Variants in ALG14 observed in about 807,000 individuals in gnomAD.
ALG14 encodes UDP-N-acetylglucosamine transferase subunit ALG14.
In ALG14, 17 loss-of-function variants were observed where a neutral mutation model predicts 22.8. The observed-to-expected ratio is 0.75, with a 90% CI of 0.51 to 1.12. ALG14 has a LOEUF of 1.12. ALG14 is among the 50% of genes most tolerant of loss of function. The pLI, the probability that ALG14 is intolerant of heterozygous loss-of-function variation, is 0.00. For synonymous variants in ALG14, 89 were observed against 103.7 expected, an observed-to-expected ratio of 0.86 and a Z score of 0.86; for missense variants, 288 against 271.8, an observed-to-expected ratio of 1.06 and a Z score of -0.42.
At chr1:94,988,020 G>A (rs975760358) in intron 3 of ALG14, among the ~76,000 whole-genome samples, 1 of 152,170 alleles carries the variant, frequency 6.6e-6, no homozygotes, top group Non-Finnish European at 1.5e-5. Context: ...ACAGCTGCAG[G>A]GAAAGCTTTA....
intron 2 of ALG14, among the ~76,000 whole-genome samples, chr1:95,052,018 C>T (rs976786330): frequency 1.3e-5 from 2 of 152,306 alleles, no homozygotes; most frequent in Middle Eastern, 6.8e-3. Context: ...GTTTTATTTA[C>T]TACTGTATTC....
In ALG14 at chr1:95,000,522, C is replaced by A. The variant is rs529160574; in HGVS notation, c.421-17216G>T. On this transcript the variant is annotated intron_variant, in intron 3 of 3. Transcript: ENST00000370205. ...CTATACTCCAGCCTGCGTAACAGAG[C>A]AAGACCCTGTCCTAAAAAAAAAAAA... Among the ~76,000 whole-genome samples, 24 of 114,666 alleles carry A rather than the reference C, an allele frequency of 2.1e-4. 1 individual carries two copies. Among genetic ancestry groups the A allele is most frequent in the Admixed American group, 1.1e-3 (9 of 8,458 alleles). The allele number at this position is 114,666 out of a possible 152,430, so 75.2% of individuals were successfully genotyped here.
intron 1 of ALG14, among the ~76,000 whole-genome samples, chr1:95,066,401 T>G (rs1675370034): frequency 6.6e-6 from 1 of 152,178 alleles, no homozygotes; most frequent in Admixed American, 6.5e-5. Context: ...TTTTTGTATT[T>G]TTAGTAGAGA....
rs57458273 is a variant in ALG14 at position 95,052,857 on chromosome 1, GAA to G, written c.288+12007_288+12008del. Among the ~76,000 whole-genome samples, 348 of 119,468 alleles carry G rather than the reference GAA, an allele frequency of 2.9e-3. 2 individuals carry two copies. The highest frequency in any genetic ancestry group is 5.7e-3 in the African/African-American group (176 of 30,736). 78.4% of individuals were successfully genotyped at this position (119,468 alleles called of 152,430 possible). A position where few individuals can be genotyped will look rare whatever the true frequency, so the allele number is the denominator to read the frequency against. ...GGGCACCAGAGCAAGACTGCATCTCGAAAAAAAAAAAAAAAAAGAGTAATGTC... is the reference window on the plus strand; with the variant it reads ...GGGCACCAGAGCAAGACTGCATCTCGAAAAAAAAAAAAAAAGAGTAATGTC... On this transcript the variant is annotated intron_variant, in intron 2 of 3. Coordinates refer to ENST00000370205, the MANE Select transcript of ALG14 (RefSeq NM_144988.4).
intron 1 of ALG14, among the ~76,000 whole-genome samples, chr1:95,066,716 T>A (rs1412115137): frequency 6.6e-6 from 1 of 152,158 alleles, no homozygotes; most frequent in Non-Finnish European, 1.5e-5. Flanking sequence ...CATTTTAGTA[T>A]CTTTGGTTTA....
At chr1:94,996,530 A>G (rs1402045201) in intron 3 of ALG14, among the ~76,000 whole-genome samples, 2 of 152,168 alleles carry the variant, frequency 1.3e-5, no homozygotes, top group Non-Finnish European at 2.9e-5. Context: ...CATAGCAGAG[A>G]GAACTGCCAG....
At chr1:95,019,342 A>G (rs1469383268) in intron 3 of ALG14, among the ~76,000 whole-genome samples, 2 of 152,160 alleles carry the variant, frequency 1.3e-5, no homozygotes, top group Non-Finnish European at 1.5e-5. Context: ...CCTTCTTGCT[A>G]TTTTTAAGCA....
At chr1:95,033,723 C>T (rs1025178924) in intron 2 of ALG14, among the ~76,000 whole-genome samples, 1 of 152,064 alleles carries the variant, frequency 6.6e-6, no homozygotes, top group Admixed American at 6.6e-5. Flanking sequence ...CTTTTATACA[C>T]ATTCCATAGC....
rs1458479032 is a variant in ALG14, at chr1:94,980,436, C to T, written c.*2640G>A. ...GTGGGCAGGATGTGTGGTTTCCCTG[C>T]CTCTCATTTGAAGACTGATTCAATT... On this transcript the variant is annotated 3_prime_UTR_variant, in exon 4 of 4. Coordinates refer to ENST00000370205, the MANE Select transcript of ALG14 (RefSeq NM_144988.4). 1 of 152,162 alleles carries T rather than the reference C, an allele frequency of 6.6e-6. No individual in the cohort carries two copies. Among genetic ancestry groups the T allele is most frequent in the Non-Finnish European group, 1.5e-5 (1 of 68,038 alleles). The allele number at this position is 152,162 out of a possible 1,614,324, so 9.4% of individuals were successfully genotyped here. A position where few individuals can be genotyped will look rare whatever the true frequency, so the allele number is the denominator to read the frequency against.
intron 3 of ALG14, among the ~76,000 whole-genome samples, chr1:95,020,020 C>A (rs1048052673): frequency 6.6e-6 from 1 of 151,970 alleles, no homozygotes; most frequent in South Asian, 2.1e-4. Context: ...GAGTTCAAGA[C>A]CAGCCTGGCC....
intron 2 of ALG14, among the ~76,000 whole-genome samples, chr1:95,056,449 A>G (rs1674935723): frequency 6.6e-6 from 1 of 151,904 alleles, no homozygotes. Flanking sequence ...GTTCGAGACC[A>G]GCCTGGGCAA....
At position 94,979,912 on chromosome 1, in the gene ALG14, G is replaced by A. The variant is rs2797623; in HGVS notation, c.*3164C>T. On this transcript the variant is annotated 3_prime_UTR_variant, in exon 4 of 4. Coordinates refer to ENST00000370205, the MANE Select transcript of ALG14 (RefSeq NM_144988.4). ...CTGCTCATTGTGCGCCAGGGCTGAA[G>A]TCATGGGAAGAAACCCCGTGAGGCT... The A allele has an allele frequency of 0.55, 83,527 of 152,020 alleles. 23,820 individuals carry two copies. The highest frequency in any genetic ancestry group is 0.85 in the East Asian group (4,379 of 5,152). 9.4% of individuals were successfully genotyped at this position (152,020 alleles called of 1,614,324 possible). A position where few individuals can be genotyped will look rare whatever the true frequency, so the allele number is the denominator to read the frequency against.
At chr1:95,014,668 A>C (rs1673453665) in intron 3 of ALG14, among the ~76,000 whole-genome samples, 1 of 152,236 alleles carries the variant, frequency 6.6e-6, no homozygotes, top group South Asian at 2.1e-4. Context: ...AATTACATGT[A>C]AACTTATAAT....
intron 1 of ALG14, among the ~76,000 whole-genome samples, chr1:95,070,497 A>C (rs1357190143): frequency 6.6e-6 from 1 of 152,140 alleles, no homozygotes; most frequent in African/African-American, 2.4e-5. Flanking sequence ...AAAATATTGT[A>C]ATTTTGTTCA....
chr1:94,992,171 T>A (rs1405887448), intron 3 of ALG14, among the ~76,000 whole-genome samples: 2 of 152,182 alleles, frequency 1.3e-5, no homozygotes, highest in Non-Finnish European at 2.9e-5. Flanking sequence ...GTAATATAGT[T>A]ATTTATTATC....
chr1:95,014,580 C>T (rs1673451854), intron 3 of ALG14, among the ~76,000 whole-genome samples: 1 of 152,156 alleles, frequency 6.6e-6, no homozygotes, highest in Admixed American at 6.5e-5. Flanking sequence ...TAGCTCTAGT[C>T]TCAGCTCACA....
At chr1:95,060,819 T>G (rs1363368175) in intron 2 of ALG14, among the ~76,000 whole-genome samples, 1 of 152,234 alleles carries the variant, frequency 6.6e-6, no homozygotes, top group African/African-American at 2.4e-5. Context: ...AGTGTTGTGA[T>G]GCACAGTATA....
chr1:95,055,812 G>A (rs1275909311), intron 2 of ALG14, among the ~76,000 whole-genome samples: 1 of 124,398 alleles, frequency 8.0e-6, no homozygotes, highest in East Asian at 2.7e-4. Flanking sequence ...TTAACATGGT[G>A]AAATCCCGTC....
intron 2 of ALG14, among the ~76,000 whole-genome samples, chr1:95,029,502 T>G (rs1673931295): frequency 6.6e-6 from 1 of 152,192 alleles, no homozygotes; most frequent in Admixed American, 6.5e-5. Flanking sequence ...ATTGAGGGCT[T>G]TCTTGGAGCC....
Sources: gnomAD v4.1 joint callset for allele counts (sites outside exome capture counted in the v4.1 genomes callset) on GRCh38, gnomAD v4.1.1 for gene constraint, MANE v1.5 for transcripts, NCBI Gene and HGNC (gene_info 2026-07-23, HGNC 2026-07-21) for gene names.